Variants in EEFSEC observed in about 807,000 individuals in gnomAD.
EEFSEC encodes eukaryotic elongation factor, selenocysteine-tRNA specific.
EEFSEC carries 43 observed loss-of-function variants against 42.1 expected under a neutral mutation model. That is an observed-to-expected ratio of 1.02 (90% CI 0.80 to 1.32). The LOEUF (loss-of-function observed/expected upper bound fraction) is 1.32. Among genes scored for constraint, EEFSEC ranks in the 40% most tolerant of loss-of-function variants. The pLI, the probability that EEFSEC is intolerant of heterozygous loss-of-function variation, is 0.00. For synonymous variants in EEFSEC, 354 were observed against 339.1 expected, an observed-to-expected ratio of 1.04 and a Z score of -0.48; for missense variants, 745 against 803.6, an observed-to-expected ratio of 0.93 and a Z score of 0.88.
At chr3:128,301,405 G>A (rs544304911) in intron 4 of EEFSEC, among the ~76,000 whole-genome samples, 1 of 152,258 alleles carries the variant, frequency 6.6e-6, no homozygotes, top group Non-Finnish European at 1.5e-5. Flanking sequence ...ACCTCTCCTG[G>A]GCCTGGGGCT....
chr3:128,309,322 C>T (rs905220838), intron 4 of EEFSEC, among the ~76,000 whole-genome samples: 3 of 152,106 alleles, frequency 2.0e-5, no homozygotes, highest in African/African-American at 7.2e-5. Context: ...AGAGGGCCAG[C>T]TGGCGTTTGG....
chr3:128,423,478 C>CAATAAATAAATAAATAAATA, the EEFSEC span, among the ~76,000 whole-genome samples: 53 of 150,538 alleles, frequency 3.5e-4, no homozygotes, highest in African/African-American at 1.3e-3. Context: ...GACCCTGTCT[C>CAATAAATAAATAAATAAATA]AATAAATAAA....
chr3:128,280,032 A>G (rs566065793), intron 4 of EEFSEC, among the ~76,000 whole-genome samples: 14 of 152,356 alleles, frequency 9.2e-5, no homozygotes, highest in Admixed American at 9.1e-4. Flanking sequence ...ATCCGCGAGG[A>G]CAGAGACTTT....
intron 2 of EEFSEC, among the ~76,000 whole-genome samples, chr3:128,261,235 C>T (rs1173901893): frequency 1.3e-5 from 2 of 152,120 alleles, no homozygotes; most frequent in Non-Finnish European, 2.9e-5. Context: ...CAACTTGGAG[C>T]AAATCAGTTA....
intron 1 of EEFSEC, among the ~76,000 whole-genome samples, chr3:128,199,422 A>C (rs1038296253): frequency 6.6e-6 from 1 of 152,178 alleles, no homozygotes; most frequent in Non-Finnish European, 1.5e-5. Context: ...GCTATACTAC[A>C]TCTGCTATTT....
intron 1 of EEFSEC, among the ~76,000 whole-genome samples, chr3:128,245,121 T>C (rs2066114041): frequency 6.6e-6 from 1 of 152,132 alleles, no homozygotes; most frequent in Non-Finnish European, 1.5e-5. Context: ...ATCAGTGATA[T>C]ATTTTTAGAA....
At chr3:128,421,293 C>T in the EEFSEC span, among the ~76,000 whole-genome samples, 1 of 152,340 alleles carries the variant, frequency 6.6e-6, no homozygotes, top group South Asian at 2.1e-4. Flanking sequence ...CTCTGCCTCT[C>T]CAGCTGGGGC....
Position 128,317,178 on chromosome 3 carries a change from GC to G in EEFSEC, c.787-24051del, listed in dbSNP as rs2066955796. On this transcript the variant is annotated intron_variant, in intron 4 of 6. Coordinates refer to ENST00000254730, the MANE Select transcript of EEFSEC (RefSeq NM_021937.5). The surrounding 1 kb of genome is among the most constrained non-coding windows in gnomAD (Gnocchi z 4.1). ...ACCAGGCCTCAATAGGGCAGCAAGG[GC>G]CCCGCAGAAGCAGTGCGTGCTGCTG... Among the ~76,000 whole-genome samples, 1 of 152,204 alleles carries G rather than the reference GC, an allele frequency of 6.6e-6. No individual in the cohort carries two copies. Among genetic ancestry groups the G allele is most frequent in the African/African-American group, 2.4e-5 (1 of 41,452 alleles).
At chr3:128,275,772 A>G (rs2066461747) in intron 4 of EEFSEC, among the ~76,000 whole-genome samples, 1 of 152,162 alleles carries the variant, frequency 6.6e-6, no homozygotes, top group South Asian at 2.1e-4. Context: ...TGACTGAGGT[A>G]AACATGGAGC....
intron 4 of EEFSEC, among the ~76,000 whole-genome samples, chr3:128,315,724 C>T (rs1054344553): frequency 6.6e-6 from 1 of 152,190 alleles, no homozygotes; most frequent in East Asian, 1.9e-4. Context: ...ACTGCATACT[C>T]GTCAGGGCCA....
intron 4 of EEFSEC, among the ~76,000 whole-genome samples, chr3:128,304,037 AGT>A (rs1394847955): frequency 1.3e-5 from 2 of 148,332 alleles, no homozygotes; most frequent in East Asian, 3.9e-4. Context: ...CTTCCATGCC[AGT>A]GTTTCTTTTC....
At chr3:128,338,008 C>T (rs114363342) in intron 4 of EEFSEC, among the ~76,000 whole-genome samples, 2,487 of 152,288 alleles carry the variant, frequency 0.016, 38 homozygotes, top group Admixed American at 0.029. Context: ...ACTGGAAACA[C>T]CCCCAGTGCA....
chr3:128,320,543 T>A (rs1437925692), intron 4 of EEFSEC, among the ~76,000 whole-genome samples: 3 of 152,174 alleles, frequency 2.0e-5, no homozygotes, highest in African/African-American at 7.2e-5. Context: ...GTAGCTAATA[T>A]GAAGGATTTG....
intron 1 of EEFSEC, among the ~76,000 whole-genome samples, chr3:128,220,968 C>T (rs913911783): frequency 2.0e-5 from 3 of 152,232 alleles, no homozygotes; most frequent in Non-Finnish European, 4.4e-5. Context: ...TTTCTCTGTT[C>T]ACCAAAGTGA....
chr3:128,345,117 G>GTT (rs2067297677), intron 5 of EEFSEC, among the ~76,000 whole-genome samples: 2 of 152,198 alleles, frequency 1.3e-5, no homozygotes, highest in Non-Finnish European at 2.9e-5. Flanking sequence ...AGCAGACCAT[G>GTT]AGACTTCCAT....
chr3:128,374,485 C>G (rs1205795225), intron 6 of EEFSEC, among the ~76,000 whole-genome samples: 1 of 152,182 alleles, frequency 6.6e-6, no homozygotes, highest in Admixed American at 6.5e-5. Flanking sequence ...CACTTACTCA[C>G]TCTCAGATTT....
intron 5 of EEFSEC, among the ~76,000 whole-genome samples, chr3:128,357,014 G>A (rs564928705): frequency 1.3e-5 from 2 of 152,356 alleles, no homozygotes; most frequent in East Asian, 1.9e-4. Context: ...GCACATCAGC[G>A]GGATGCATTC....
the EEFSEC span, among the ~76,000 whole-genome samples, chr3:128,423,519 G>A: frequency 1.3e-5 from 2 of 152,060 alleles, no homozygotes; most frequent in Admixed American, 6.5e-5. Context: ...ATGAAGTACT[G>A]CTATGCACTG....
the EEFSEC span, among the ~76,000 whole-genome samples, chr3:128,416,472 C>G: frequency 1.1e-4 from 16 of 152,220 alleles, 1 homozygote; most frequent in Non-Finnish European, 2.9e-5. Flanking sequence ...CATGCCCCTG[C>G]CTGGAGCACC....
Sources: gnomAD v4.1 joint callset for allele counts (sites outside exome capture counted in the v4.1 genomes callset) on GRCh38, gnomAD v4.1.1 for gene constraint, Gnocchi (gnomAD v3.1) non-coding constraint, MANE v1.5 for transcripts, NCBI Gene and HGNC (gene_info 2026-07-23, HGNC 2026-07-21) for gene names.